The following ZNF777 variants were observed in gnomAD, a reference collection of about 807,000 sequenced individuals.
ZNF777 encodes zinc finger protein 777.
A neutral mutation model predicts 72.1 loss-of-function variants in ZNF777; 7 were observed. The ratio of observed to expected loss-of-function variants is 0.10; its 90% CI spans 0.06 to 0.18. The LOEUF is 0.18. Ranked by LOEUF, ZNF777 falls within the 10% of genes least tolerant of loss-of-function variation. The probability of loss-of-function intolerance (pLI) is 1.00; values close to 1 mark genes in which losing one functional copy is unlikely to be tolerated. For synonymous variants in ZNF777, 545 were observed against 483.5 expected, an observed-to-expected ratio of 1.13 and a Z score of -1.67; for missense variants, 828 against 1,128.6, an observed-to-expected ratio of 0.73 and a Z score of 3.82.
At chr7:149,450,276 C>T (rs1799689543) in intron 4 of ZNF777, among the ~76,000 whole-genome samples, 1 of 152,154 alleles carries the variant, frequency 6.6e-6, no homozygotes, top group Admixed American at 6.5e-5. Context: ...ACTGACCCAG[C>T]TGCTGTGAAT....
chr7:149,450,751 G>A (rs1799697204), intron 4 of ZNF777, among the ~76,000 whole-genome samples: 1 of 152,122 alleles, frequency 6.6e-6, no homozygotes, highest in Admixed American at 6.5e-5. Context: ...ATTTCCTACA[G>A]AGAGTGAGGT....
chr7:149,446,014 T>C (rs970934452), intron 4 of ZNF777, among the ~76,000 whole-genome samples: 2 of 152,230 alleles, frequency 1.3e-5, no homozygotes, highest in African/African-American at 4.8e-5. Context: ...ACCACATCTA[T>C]CCACCTGCTT....
At position 149,436,841 on chromosome 7, in the gene ZNF777, G is replaced by T. The variant is rs1799421145; in HGVS notation, c.1088-15C>A. On this transcript the variant is annotated splice_polypyrimidine_tract_variant and intron_variant, in intron 4 of 5. Coordinates refer to ENST00000247930, the MANE Select transcript of ZNF777 (RefSeq NM_015694.3). This position sits in a 1 kb window ranked among gnomAD's most constrained non-coding sequence, Gnocchi z 5.0. Reference sequence around the variant, plus strand: ...CCCATCGTGCGCTGAGAGAGGGTGGGCAGGGGTGAGGAGGAGAAAAGAACC... The same window carrying T: ...CCCATCGTGCGCTGAGAGAGGGTGGTCAGGGGTGAGGAGGAGAAAAGAACC... 6.2e-7 allele frequency: 1 copy of T among 1,600,332 alleles called. No individual in the cohort carries two copies.
rs779324957 is a variant in ZNF777, at chr7:149,432,674, G to A, written c.1598C>T (p.Ser533Leu). ...GCGCCGGTTCCGCTGCTGCTGGCTC[G>A]AGGCCCCGCGGTTCTCGCTCAGGTG... ...ERHLSENRGA[S>L]SQQQRNRRGE... The change falls in exon 6 of 6, where the codon TCG (serine) becomes TTG (leucine). Residue 533 changes from serine (S) to leucine (L), a missense_variant. Around this residue, in one of 12 missense-constraint regions of ZNF777, gnomAD observed 219 missense variants for 223.0 expected, o/e 0.98. Coordinates refer to ENST00000247930, the MANE Select transcript of ZNF777 (RefSeq NM_015694.3). The A allele has an allele frequency of 1.1e-5, 17 of 1,612,952 alleles. No individual in the cohort carries two copies. Among genetic ancestry groups the A allele is most frequent in the Non-Finnish European group, 1.4e-5 (16 of 1,179,618 alleles).
In ZNF777 at chr7:149,455,820, G is replaced by C; in HGVS notation, c.203C>G (p.Ser68Cys). The change falls in exon 2 of 6, where the codon TCT becomes TGT. Residue 68 changes from serine to cysteine, a missense_variant. Physicochemically the swap from Ser to Cys is moderately radical, Grantham distance 112. Transcript: ENST00000247930. The surrounding 1 kb of genome is among the most constrained non-coding windows in gnomAD (Gnocchi z 4.2). The part of the protein sequence containing the change: ...QTSSAPKQET[S>C]GRMPHVLQKG... ...CTGGAGCACATGTGGCATCCGGCCAGAAGTCTCTTGCTTGGGAGCACTGGA... is the reference window on the plus strand; with the variant it reads ...CTGGAGCACATGTGGCATCCGGCCACAAGTCTCTTGCTTGGGAGCACTGGA... 6.2e-7 allele frequency: 1 copy of C among 1,613,868 alleles called. No individual in the cohort carries two copies. The highest frequency in any genetic ancestry group is 8.5e-7 in the Non-Finnish European group (1 of 1,179,860).
chr7:149,436,516 G>T lies in ZNF777; in HGVS notation c.1339+59C>A, dbSNP rs906276226. On this transcript the variant is annotated intron_variant, in intron 5 of 5. Coordinates refer to ENST00000247930, the MANE Select transcript of ZNF777 (RefSeq NM_015694.3). This position sits in a 1 kb window ranked among gnomAD's most constrained non-coding sequence, Gnocchi z 5.0. Reference sequence around the variant, plus strand: ...GGAACCACAGCTTTCCCAGGGGGCAGGGGCCCTCTGGGAGGCCTCATGGCA... The same window carrying T: ...GGAACCACAGCTTTCCCAGGGGGCATGGGCCCTCTGGGAGGCCTCATGGCA... 2.0e-6 allele frequency: 3 copies of T among 1,526,082 alleles called. No homozygotes were observed. The highest frequency in any genetic ancestry group is 2.6e-6 in the Non-Finnish European group (3 of 1,135,346). 94.5% of individuals were successfully genotyped at this position (1,526,082 alleles called of 1,614,324 possible).
At chr7:149,453,980 T>C (rs1426834197) in intron 3 of ZNF777, 131 bp downstream of exon 3, 1 of 1,376,508 alleles carries the variant, frequency 7.3e-7, no homozygotes, top group Admixed American at 2.1e-5. Flanking sequence ...TTTAATTTGT[T>C]GTGATCTCTA....
In ZNF777 at chr7:149,432,209, C is replaced by A; in HGVS notation, c.2063G>T (p.Gly688Val). 1 of 1,606,458 alleles carries A rather than the reference C, an allele frequency of 6.2e-7. No homozygotes were observed. The highest frequency in any genetic ancestry group is 8.5e-7 in the Non-Finnish European group (1 of 1,179,896). ...SLVIHQRVHA[G>V]KHEVSFICSL... ...GCAGATGAAGGAGACCTCATGCTTG[C>A]CCGCGTGCACGCGCTGATGGATCAC... Residue 688 changes from glycine (G) to valine (V), a missense_variant, in exon 6 of 6, where the codon GGC (glycine) becomes GTC (valine). By Grantham distance (109) the Gly-to-Val change is moderately radical. Transcript: ENST00000247930.
chr7:149,438,559 T>G (rs1448048189), intron 4 of ZNF777, among the ~76,000 whole-genome samples: 9 of 152,170 alleles, frequency 5.9e-5, no homozygotes, highest in Admixed American at 5.9e-4. Flanking sequence ...GCTTTTGATA[T>G]ATCCAGTGAA....
chr7:149,432,499 C>T lies in ZNF777; in HGVS notation c.1773G>A (p.Leu591=), dbSNP rs1799331412. ...CGCGCACGCGGTGGATGCGCTGGTGCAGCGTGAGCTGTTGCTTGTGCCGGA... is the reference window on the plus strand; with the variant it reads ...CGCGCACGCGGTGGATGCGCTGGTGTAGCGTGAGCTGTTGCTTGTGCCGGA... ...ISFRHKQQLT[L]HQRIHRVRGG... is the part of the protein sequence containing the mutation. The change falls in exon 6 of 6, where the codon CTG becomes CTA. Residue 591 remains leucine, a synonymous_variant. Transcript: ENST00000247930. 1.2e-6 allele frequency: 2 copies of T among 1,613,824 alleles called. No individual in the cohort carries two copies. Among genetic ancestry groups the T allele is most frequent in the Non-Finnish European group, 1.7e-6 (2 of 1,179,860 alleles).
intron 3 of ZNF777, among the ~76,000 whole-genome samples, chr7:149,452,247 A>G (rs1799734028): frequency 1.3e-5 from 2 of 150,150 alleles, no homozygotes; most frequent in South Asian, 4.3e-4. Context: ...CCTGGGCAAC[A>G]GAGCGAGACT....
At position 149,432,487 on chromosome 7, in the gene ZNF777, G is replaced by A. The variant is rs749838302; in HGVS notation, c.1785C>T (p.Ile595=). Residue 595 remains isoleucine (I), a synonymous_variant, in exon 6 of 6, where the codon ATC becomes ATT. Coordinates refer to ENST00000247930, the MANE Select transcript of ZNF777 (RefSeq NM_015694.3). ...AGACGCAGCCTCCGCGCACGCGGTGGATGCGCTGGTGCAGCGTGAGCTGTT... is the reference window on the plus strand; with the variant it reads ...AGACGCAGCCTCCGCGCACGCGGTGAATGCGCTGGTGCAGCGTGAGCTGTT... ...HKQQLTLHQR[I]HRVRGGCVSP... 2 of 1,613,680 alleles carry A rather than the reference G, an allele frequency of 1.2e-6. No individual in the cohort carries two copies. Among genetic ancestry groups the A allele is most frequent in the Non-Finnish European group, 8.5e-7 (1 of 1,179,868 alleles).
At chr7:149,453,360 A>G (rs902629294) in intron 3 of ZNF777, among the ~76,000 whole-genome samples, 1 of 152,250 alleles carries the variant, frequency 6.6e-6, no homozygotes, top group Non-Finnish European at 1.5e-5. Context: ...TCTAGCTGGA[A>G]TCAAAGTTTC....
At position 149,455,067 on chromosome 7, in the gene ZNF777, T is replaced by C. The variant is rs1585703787; in HGVS notation, c.846+110A>G. 5 of 1,348,988 alleles carry C rather than the reference T, an allele frequency of 3.7e-6. No homozygotes were observed. In the East Asian group the frequency reaches 1.2e-4, roughly 31 times the overall value. The allele number at this position is 1,348,988 out of a possible 1,614,324, so 83.6% of individuals were successfully genotyped here. A position where few individuals can be genotyped will look rare whatever the true frequency, so the allele number is the denominator to read the frequency against. On this transcript the variant is annotated intron_variant, in intron 2 of 5. Coordinates refer to ENST00000247930, the MANE Select transcript of ZNF777 (RefSeq NM_015694.3). This position sits in a 1 kb window ranked among gnomAD's most constrained non-coding sequence, Gnocchi z 4.2. ...GGCATGTCCTAGCAACTGGGATCAC[T>C]GTATTTTTTCCTTTATCAACCACCC...
Position 149,431,941 on chromosome 7 carries a change from G to A in ZNF777, c.2331C>T (p.Pro777=). 4 of 1,610,814 alleles carry A rather than the reference G, an allele frequency of 2.5e-6. No individual in the cohort carries two copies. The highest frequency in any genetic ancestry group is 3.4e-6 in the Non-Finnish European group (4 of 1,179,532). Residue 777 remains proline, a synonymous_variant, in exon 6 of 6, where the codon CCC becomes CCT. Coordinates refer to ENST00000247930, the MANE Select transcript of ZNF777 (RefSeq NM_015694.3). ...GCTTGCCGCACTCGGCGCAGTGGTA[G>A]GGCCGCTCGCCTGTGTGGATGCGCC... The part of the protein sequence containing the change: ...EHRRIHTGER[P]YHCAECGKRF...
intron 4 of ZNF777, among the ~76,000 whole-genome samples, chr7:149,441,458 A>G (rs1470245204): frequency 2.6e-5 from 4 of 152,248 alleles, no homozygotes. Flanking sequence ...ATGGCACTTC[A>G]GATATTCCTT....
rs755716108 is a variant in ZNF777 at position 149,455,243 on chromosome 7, G to A, written c.780C>T (p.Asn260=). Residue 260 remains asparagine, a synonymous_variant, in exon 2 of 6, where the codon AAC becomes AAT. Transcript: ENST00000247930. This position sits in a 1 kb window ranked among gnomAD's most constrained non-coding sequence, Gnocchi z 4.2. ...LLQRRLENME[N]LLKNRNFWIL... is the part of the protein sequence containing the mutation. Reference sequence around the variant, plus strand: ...TCCAGAAATTTCTGTTTTTCAGCAGGTTCTCCATGTTCTCCAGCCGCCTCT... The same window carrying A: ...TCCAGAAATTTCTGTTTTTCAGCAGATTCTCCATGTTCTCCAGCCGCCTCT... 7 of 1,614,042 alleles carry A rather than the reference G, an allele frequency of 4.3e-6. No individual in the cohort carries two copies. Among genetic ancestry groups the A allele is most frequent in the Non-Finnish European group, 5.9e-6 (7 of 1,180,046 alleles).
rs1193468644 is a variant in ZNF777, at chr7:149,432,951, G to C, written c.1340-19C>G. 1.4e-6 allele frequency: 2 copies of C among 1,454,758 alleles called. No individual in the cohort carries two copies. Among genetic ancestry groups the C allele is most frequent in the Non-Finnish European group, 1.8e-6 (2 of 1,100,458 alleles). 90.1% of individuals were successfully genotyped at this position (1,454,758 alleles called of 1,614,324 possible). On this transcript the variant is annotated intron_variant, in intron 5 of 5. Coordinates refer to ENST00000247930, the MANE Select transcript of ZNF777 (RefSeq NM_015694.3). ...ATCCCCTCTGCTCCAGGGACAGAGAGAGAAAGTCGTTAGCTGCTGCCTGGC... is the reference window on the plus strand; with the variant it reads ...ATCCCCTCTGCTCCAGGGACAGAGACAGAAAGTCGTTAGCTGCTGCCTGGC...
Position 149,455,963 on chromosome 7 carries a change from T to C in ZNF777, c.60A>G (p.Leu20=). The stretch of plus-strand genomic sequence containing the variant: ...GGGGGAGTCCAGCAGGGGCCTGACG[T>C]AAGGTTTCTTCTTGTGGAACACTGG... The part of the protein sequence containing the change: ...SFPSVPQEET[L]RQAPAGLPRE... Residue 20 remains leucine, a synonymous_variant, in exon 2 of 6, where the codon TTA becomes TTG. Coordinates refer to ENST00000247930, the MANE Select transcript of ZNF777 (RefSeq NM_015694.3). This position sits in a 1 kb window ranked among gnomAD's most constrained non-coding sequence, Gnocchi z 4.2. 2 of 1,611,918 alleles carry C rather than the reference T, an allele frequency of 1.2e-6. No homozygotes were observed. Among genetic ancestry groups the C allele is most frequent in the South Asian group, 2.2e-5 (2 of 90,960 alleles).
Sources: allele counts gnomAD v4.1 joint callset (sites outside exome capture counted in the v4.1 genomes callset), GRCh38; gene constraint gnomAD v4.1.1; regional missense constraint gnomAD v4.1.1; non-coding constraint Gnocchi (gnomAD v3.1); transcripts MANE v1.5; gene names NCBI Gene and HGNC (gene_info 2026-07-23, HGNC 2026-07-21).